Variants in ITGAV observed in about 807,000 individuals in gnomAD.
The protein encoded by ITGAV is integrin alpha-V.
A neutral mutation model predicts 143.8 loss-of-function variants in ITGAV; 76 were observed. The observed-to-expected ratio is 0.53, with a 90% CI of 0.44 to 0.64. The LOEUF is 0.64. ITGAV is among the 30% of genes least tolerant of loss of function. The pLI is 0.00. For synonymous variants in ITGAV, 453 were observed against 446.7 expected, an observed-to-expected ratio of 1.01 and a Z score of -0.18; for missense variants, 1,193 against 1,274.7, an observed-to-expected ratio of 0.94 and a Z score of 0.98.
chr2:186,605,832 C>CTTATGTATATGTATAATACATATATTA (rs1687049636), intron 2 of ITGAV, among the ~76,000 whole-genome samples: 1 of 148,098 alleles, frequency 6.8e-6, no homozygotes, highest in Non-Finnish European at 1.5e-5. Flanking sequence ...TACATATATT[C>CTTATGTATATGTATAATACATATATTA]TTATGTATAT....
intron 2 of ITGAV, among the ~76,000 whole-genome samples, chr2:186,613,654 A>G (rs1221415072): frequency 1.3e-5 from 2 of 152,178 alleles, no homozygotes; most frequent in Non-Finnish European, 2.9e-5. Context: ...CAATACAGGT[A>G]AGTTTCAAGA....
chr2:186,598,295 ACACAC>A lies in ITGAV; in HGVS notation c.186-3725_186-3721del, dbSNP rs1319515425. Among the ~76,000 whole-genome samples the A allele has an allele frequency of 8.3e-3, 7 of 840 alleles. No individual in the cohort carries two copies. The Non-Finnish European group carries it at 0.12, about 15-fold the overall frequency. The allele number at this position is 840 out of a possible 152,430, so 0.6% of individuals were successfully genotyped here. On this transcript the variant is annotated intron_variant, in intron 1 of 29. Coordinates refer to ENST00000261023, the MANE Select transcript of ITGAV (RefSeq NM_002210.5). ...AATAAATTTACATATTATAATTTAT[ACACAC>A]ACACACACACACACACACACACACA...
chr2:186,630,401 A>G (rs1195526651), intron 4 of ITGAV, among the ~76,000 whole-genome samples: 2 of 151,838 alleles, frequency 1.3e-5, no homozygotes, highest in Non-Finnish European at 2.9e-5. Context: ...AAAATGTCAG[A>G]GAGTATTCTA....
At chr2:186,603,820 A>G (rs976169083) in intron 2 of ITGAV, among the ~76,000 whole-genome samples, 1 of 152,096 alleles carries the variant, frequency 6.6e-6, no homozygotes, top group East Asian at 1.9e-4. Context: ...AAGGGTGTAC[A>G]ATGAAACATA....
chr2:186,657,182 G>T (rs1457200354), intron 17 of ITGAV, among the ~76,000 whole-genome samples: 1 of 152,078 alleles, frequency 6.6e-6, no homozygotes, highest in Admixed American at 6.6e-5. Flanking sequence ...ATCACTTGAG[G>T]CCAAGAGTTT....
intron 2 of ITGAV, among the ~76,000 whole-genome samples, chr2:186,615,498 C>A (rs1042819404): frequency 6.6e-6 from 1 of 152,028 alleles, no homozygotes; most frequent in East Asian, 1.9e-4. Context: ...TAATAACCAT[C>A]CTAATGAGTG....
chr2:186,591,667 C>G (rs1354294246), intron 1 of ITGAV, among the ~76,000 whole-genome samples: 3 of 152,308 alleles, frequency 2.0e-5, no homozygotes, highest in African/African-American at 7.2e-5. Flanking sequence ...ACTGTTAGGA[C>G]ACTCAGCAGA....
At chr2:186,616,919 A>G (rs1418856749) in intron 2 of ITGAV, among the ~76,000 whole-genome samples, 2 of 151,914 alleles carry the variant, frequency 1.3e-5, no homozygotes, top group Admixed American at 6.6e-5. Context: ...CAAATTTGTT[A>G]TAGGAAGTAC....
At chr2:186,627,864 A>C (rs1687716927) in intron 4 of ITGAV, among the ~76,000 whole-genome samples, 1 of 152,186 alleles carries the variant, frequency 6.6e-6, no homozygotes, top group Non-Finnish European at 1.5e-5. Flanking sequence ...CAGAAAAGCA[A>C]AGTGCATGCC....
At chr2:186,652,594 T>C (rs1174785408) in intron 15 of ITGAV, among the ~76,000 whole-genome samples, 1 of 152,222 alleles carries the variant, frequency 6.6e-6, no homozygotes, top group Non-Finnish European at 1.5e-5. Flanking sequence ...ATGAAATTAA[T>C]TTTTAAAGAA....
chr2:186,603,471 T>G (rs1308872228), intron 2 of ITGAV, among the ~76,000 whole-genome samples: 1 of 152,130 alleles, frequency 6.6e-6, no homozygotes, highest in Non-Finnish European at 1.5e-5. Flanking sequence ...TTTTTTTCCA[T>G]TTGAAATTAT....
intron 1 of ITGAV, among the ~76,000 whole-genome samples, chr2:186,594,357 CTG>C (rs2105644556): frequency 6.6e-6 from 1 of 152,254 alleles, no homozygotes; most frequent in South Asian, 2.1e-4. Flanking sequence ...TTCTATTTTT[CTG>C]TGTTTCTCCT....
intron 10 of ITGAV, 60 bp from the exon 11 acceptor site, chr2:186,640,855 G>A: frequency 7.5e-7 from 1 of 1,332,428 alleles, no homozygotes; most frequent in South Asian, 1.3e-5. Context: ...TATTACAAAT[G>A]TTAATTGTCT....
At chr2:186,673,993 A>C (rs1030635450) in intron 26 of ITGAV, among the ~76,000 whole-genome samples, 1 of 152,052 alleles carries the variant, frequency 6.6e-6, no homozygotes, top group African/African-American at 2.4e-5. Context: ...TATTTTGTAG[A>C]GACAGGGTCT....
At chr2:186,673,116 C>T (rs1329480211) in intron 26 of ITGAV, among the ~76,000 whole-genome samples, 1 of 152,116 alleles carries the variant, frequency 6.6e-6, no homozygotes, top group Non-Finnish European at 1.5e-5. Flanking sequence ...GGTAGGGGTC[C>T]AGATTGATTC....
At chr2:186,602,686 G>T (rs1048740827) in intron 2 of ITGAV, among the ~76,000 whole-genome samples, 1 of 152,136 alleles carries the variant, frequency 6.6e-6, no homozygotes, top group Non-Finnish European at 1.5e-5. Flanking sequence ...GGACCAGCCT[G>T]ACCAACATGG....
intron 15 of ITGAV, among the ~76,000 whole-genome samples, chr2:186,654,190 G>A (rs533366848): frequency 2.4e-4 from 36 of 152,124 alleles, no homozygotes; most frequent in African/African-American, 8.2e-4. Flanking sequence ...AAAATTAGCC[G>A]GGTGTGGTGG....
chr2:186,632,586 A>T (rs1420037289), intron 5 of ITGAV, among the ~76,000 whole-genome samples: 1 of 152,212 alleles, frequency 6.6e-6, no homozygotes, highest in African/African-American at 2.4e-5. Context: ...ATAGTTAAAT[A>T]TAAGAAATGC....
intron 6 of ITGAV, 57 bp from the exon 7 acceptor site, chr2:186,636,025 T>C: frequency 2.8e-6 from 4 of 1,448,802 alleles, no homozygotes; most frequent in Non-Finnish European, 3.8e-6. Flanking sequence ...ATACATTATC[T>C]GTATCATAAA....
Sources: gnomAD v4.1 joint callset for allele counts (sites outside exome capture counted in the v4.1 genomes callset) on GRCh38, gnomAD v4.1.1 for gene constraint, MANE v1.5 for transcripts, NCBI Gene and HGNC (gene_info 2026-07-23, HGNC 2026-07-21) for gene names.